UGT2A1: variants seen among roughly 807,000 people sequenced by gnomAD.
UGT2A1 encodes the protein UDP glucuronosyltransferase family 2 member A1 complex locus.
Under a neutral mutation model 45.4 loss-of-function variants are expected in UGT2A1, and 61 were observed. The observed-to-expected ratio is 1.34, with a 90% confidence interval of 1.09 to 1.66. The LOEUF is 1.66. Among genes scored for constraint, UGT2A1 ranks in the 40% most tolerant of loss-of-function variants. The pLI, the probability that UGT2A1 is intolerant of heterozygous loss-of-function variation, is 0.00. For synonymous variants in UGT2A1, 229 were observed against 196.2 expected (o/e 1.17, Z -1.40); for missense variants, 649 against 574.3 (o/e 1.13, Z -1.33).
chr4:69,599,459 AG>A (rs1169526932), intron 3 of UGT2A1, 65 bp from the exon 4 acceptor site: 1 of 1,580,994 alleles, frequency 6.3e-7, no homozygotes, highest in Non-Finnish European at 8.5e-7. Flanking sequence ...GAGAAAAAAA[AG>A]CTACCAGTAA....
intron 3 of UGT2A1, among the ~76,000 whole-genome samples, chr4:69,602,505 ATCTG>A (rs1719356714): frequency 7.6e-6 from 1 of 131,784 alleles, no homozygotes; most frequent in Non-Finnish European, 1.6e-5. Flanking sequence ...CTATCTATCT[ATCTG>A]ATATCATGTT....
At position 69,602,713 on chromosome 4, in the gene UGT2A1, C is replaced by T. The variant is rs117855905; in HGVS notation, c.848-3319G>A. On this transcript the variant is annotated intron_variant, in intron 3 of 6. Coordinates refer to ENST00000286604, the MANE Select transcript of UGT2A1 (RefSeq NM_001252275.3). ...ACAAAAGTTACATAATCTATTCATGCTTATAATTGCAAAATTGTATTAAAA... is the reference window on the plus strand; with the variant it reads ...ACAAAAGTTACATAATCTATTCATGTTTATAATTGCAAAATTGTATTAAAA... 2.7e-4 allele frequency among the ~76,000 whole-genome samples: 37 copies of T among 137,258 alleles called. 4 individuals carry two copies. The East Asian group carries it at 7.6e-3, about 28-fold the overall frequency. 90.0% of individuals were successfully genotyped at this position (137,258 alleles called of 152,430 possible). A position where few individuals can be genotyped will look rare whatever the true frequency, so the allele number is the denominator to read the frequency against.
chr4:69,607,813 GA>G (rs1719749366), intron 3 of UGT2A1, among the ~76,000 whole-genome samples: 2 of 152,138 alleles, frequency 1.3e-5, no homozygotes. Flanking sequence ...AAAGACACAT[GA>G]AAAAATGCTC....
rs1045176536 is a variant in UGT2A1, at chr4:69,602,992, G to A, written c.848-3598C>T. Among the ~76,000 whole-genome samples, 2 of 134,950 alleles carry A rather than the reference G, an allele frequency of 1.5e-5. 1 individual carries two copies. The highest frequency in any genetic ancestry group is 3.1e-5 in the Non-Finnish European group (2 of 63,846). The allele number at this position is 134,950 out of a possible 152,430, so 88.5% of individuals were successfully genotyped here. On this transcript the variant is annotated intron_variant, in intron 3 of 6. Coordinates refer to ENST00000286604, the MANE Select transcript of UGT2A1 (RefSeq NM_001252275.3). ...CTGAGGCAGAGAATTGCTTGAACCC[G>A]GGAGGAGGAGGTTGCAGTGAGCCAA...
intron 3 of UGT2A1, among the ~76,000 whole-genome samples, chr4:69,606,884 A>AAGG (rs1214635749): frequency 8.9e-5 from 12 of 134,522 alleles, no homozygotes; most frequent in Admixed American, 2.2e-4. Flanking sequence ...GGACCTCTTC[A>AAGG]AGAACTACAA....
At chr4:69,629,761 T>G (rs1378943509) in intron 3 of UGT2A1, among the ~76,000 whole-genome samples, 2 of 152,094 alleles carry the variant, frequency 1.3e-5, no homozygotes, top group Non-Finnish European at 2.9e-5. Context: ...CTTTTCTCTC[T>G]CCTTATTTTA....
chr4:69,602,462 TTTATCTA>T (rs79372885), intron 3 of UGT2A1, among the ~76,000 whole-genome samples: 18,924 of 120,748 alleles, frequency 0.16, 4,300 homozygotes, highest in Non-Finnish European at 0.18. Flanking sequence ...GATTTAGGAG[TTTATCTA>T]TCTATCTATC....
rs530006071 is a variant in UGT2A1 at position 69,636,570 on chromosome 4, T to C, written c.716-748A>G. Among the ~76,000 whole-genome samples the C allele has an allele frequency of 9.9e-5, 15 of 152,254 alleles. 1 individual carries two copies. The South Asian group carries it at 3.1e-3, about 32-fold the overall frequency. On this transcript the variant is annotated intron_variant, in intron 2 of 6. Coordinates refer to ENST00000286604, the MANE Select transcript of UGT2A1 (RefSeq NM_001252275.3). ...GTGAGAAGTTGAGAACTTGCTGTTT[T>C]ACAAAGCCTTTTTCACACTTATCTA...
At chr4:69,597,441 T>A (rs1404279378) in intron 4 of UGT2A1, among the ~76,000 whole-genome samples, 2 of 152,152 alleles carry the variant, frequency 1.3e-5, no homozygotes, top group Non-Finnish European at 2.9e-5. Flanking sequence ...CACTGCAAAA[T>A]CTGAGATTAA....
At chr4:69,649,938 G>T (rs1722445698) in intron 1 of UGT2A1, among the ~76,000 whole-genome samples, 1 of 151,966 alleles carries the variant, frequency 6.6e-6, no homozygotes, top group Non-Finnish European at 1.5e-5. Context: ...AGAGGGAGTG[G>T]GTGGAGTTGT....
intron 6 of UGT2A1, among the ~76,000 whole-genome samples, chr4:69,592,562 G>A (rs1718650918): frequency 6.6e-6 from 1 of 152,070 alleles, no homozygotes; most frequent in East Asian, 1.9e-4. Context: ...AAAAATGACA[G>A]TTGAAAGAAT....
intron 4 of UGT2A1, chr4:69,596,207 C>T: frequency 6.9e-7 from 1 of 1,444,220 alleles, no homozygotes; most frequent in Non-Finnish European, 9.2e-7. Flanking sequence ...TTGTCTCTCC[C>T]ATTAGTAAAA....
At chr4:69,649,781 G>C (rs528053759) in intron 1 of UGT2A1, among the ~76,000 whole-genome samples, 5 of 152,156 alleles carry the variant, frequency 3.3e-5, no homozygotes, top group Admixed American at 3.3e-4. Context: ...AGTGGGGCTT[G>C]CCTACAACAT....
At chr4:69,618,254 G>A (rs1720535247) in intron 3 of UGT2A1, among the ~76,000 whole-genome samples, 2 of 120,610 alleles carry the variant, frequency 1.7e-5, no homozygotes, top group Non-Finnish European at 3.6e-5. Context: ...TGTGTTGAAG[G>A]GGGAAGAATG....
intron 3 of UGT2A1, among the ~76,000 whole-genome samples, chr4:69,628,545 C>T (rs544494191): frequency 6.6e-6 from 1 of 151,306 alleles, no homozygotes; most frequent in Non-Finnish European, 1.5e-5. Flanking sequence ...TAAATATCCA[C>T]AAGCAAAAGA....
At chr4:69,620,409 A>G (rs985294004) in intron 3 of UGT2A1, among the ~76,000 whole-genome samples, 1 of 132,542 alleles carries the variant, frequency 7.5e-6, no homozygotes, top group African/African-American at 3.0e-5. Context: ...ATGCCTAGGA[A>G]TACAGCTAAC....
intron 1 of UGT2A1, among the ~76,000 whole-genome samples, chr4:69,648,852 A>C (rs1488844943): frequency 6.6e-6 from 1 of 152,026 alleles, no homozygotes. Flanking sequence ...AACTGCTGGT[A>C]GCAGTCTTAA....
chr4:69,628,073 T>C (rs1302111229), intron 3 of UGT2A1, among the ~76,000 whole-genome samples: 2 of 151,968 alleles, frequency 1.3e-5, no homozygotes, highest in Non-Finnish European at 2.9e-5. Flanking sequence ...CAAGAAATTA[T>C]TGCCAAGGTC....
intron 3 of UGT2A1, among the ~76,000 whole-genome samples, chr4:69,632,235 C>T (rs1436336489): frequency 1.3e-5 from 2 of 152,124 alleles, no homozygotes; most frequent in Non-Finnish European, 1.5e-5. Flanking sequence ...ATTTGATTTG[C>T]TACCATGAAG....
Sources: allele counts gnomAD v4.1 joint callset (sites outside exome capture counted in the v4.1 genomes callset), GRCh38; gene constraint gnomAD v4.1.1; transcripts MANE v1.5; gene names NCBI Gene and HGNC (gene_info 2026-07-23, HGNC 2026-07-21).